DMXL2: variants seen among roughly 807,000 people sequenced by gnomAD.
DMXL2 encodes Dmx like 2.
DMXL2 carries 103 observed loss-of-function variants against 331.1 expected under a neutral mutation model. The observed-to-expected ratio is 0.31, with a 90% CI of 0.27 to 0.37. The LOEUF (loss-of-function observed/expected upper bound fraction) is 0.37, where lower values mean the gene tolerates loss of function less well. Among genes scored for constraint, DMXL2 ranks in the 10% least tolerant of loss-of-function variants. DMXL2 has a pLI of 1.00. For missense variants in DMXL2, 3,171 were observed against 3,642.9 expected (o/e 0.87, Z 3.33); for synonymous variants, 1,281 against 1,252.1 (o/e 1.02, Z -0.49).
At chr15:51,574,566 G>T (rs551767254) in intron 2 of DMXL2, among the ~76,000 whole-genome samples, 1 of 152,066 alleles carries the variant, frequency 6.6e-6, no homozygotes, top group South Asian at 2.1e-4. Context: ...TGACACTTAC[G>T]CAAAAAGTGT....
chr15:51,450,413 A>C, intron 42 of DMXL2, 67 bp from the exon 43 acceptor site: 1 of 1,450,600 alleles, frequency 6.9e-7, no homozygotes, highest in Non-Finnish European at 9.6e-7. Context: ...TGATGTCTAC[A>C]TCCACATTTA....
chr15:51,501,939 T>C (rs971825606), intron 17 of DMXL2, among the ~76,000 whole-genome samples: 1 of 143,624 alleles, frequency 7.0e-6, no homozygotes, highest in Non-Finnish European at 1.5e-5. Context: ...AAAAAAAATT[T>C]CATTATTTTG....
chr15:51,597,710 G>A (rs2052927034), intron 1 of DMXL2, among the ~76,000 whole-genome samples: 1 of 152,170 alleles, frequency 6.6e-6, no homozygotes, highest in South Asian at 2.1e-4. Flanking sequence ...TGGCATTAAT[G>A]CTAAATTGTT....
chr15:51,536,519 T>A lies in DMXL2; in HGVS notation c.1961A>T (p.Asn654Ile). ...FRYCGHRFHL[N>I]DLACHSVLPL... Reference sequence around the variant, plus strand: ...TAAAACTGAATGACATGCCAGGTCATTGAGGTGAAATCGATGACCGCAATA... The same window carrying A: ...TAAAACTGAATGACATGCCAGGTCAATGAGGTGAAATCGATGACCGCAATA... The change falls in exon 12 of 44, where the codon AAT (asparagine) becomes ATT (isoleucine). Residue 654 changes from asparagine to isoleucine, a missense_variant. By Grantham distance (149) the Asn-to-Ile change is moderately radical. Around this residue, in one of 7 missense-constraint regions of DMXL2, gnomAD observed 1,674 missense variants for 1,780.2 expected, o/e 0.94. Transcript: ENST00000560891. 1 of 1,613,968 alleles carries A rather than the reference T, an allele frequency of 6.2e-7. No homozygotes were observed. Among genetic ancestry groups the A allele is most frequent in the African/African-American group, 1.3e-5 (1 of 75,046 alleles).
At chr15:51,587,472 T>C in intron 1 of DMXL2, among the ~76,000 whole-genome samples, 1 of 152,224 alleles carries the variant, frequency 6.6e-6, no homozygotes, top group Non-Finnish European at 1.5e-5. Flanking sequence ...TCCAGCTTCA[T>C]CCATGTCCCT....
At chr15:51,540,905 T>C (rs1031683944) in intron 9 of DMXL2, among the ~76,000 whole-genome samples, 1 of 152,180 alleles carries the variant, frequency 6.6e-6, no homozygotes, top group African/African-American at 2.4e-5. Flanking sequence ...TCAAATGATG[T>C]GACAGAATGC....
Position 51,456,374 on chromosome 15 carries a change from A to T in DMXL2, c.8338-5T>A, listed in dbSNP as rs1475875853. The T allele has an allele frequency of 1.3e-5, 20 of 1,564,184 alleles. No homozygotes were observed. The highest frequency in any genetic ancestry group is 1.7e-5 in the Non-Finnish European group (20 of 1,154,504). ...ATGTAGATTCCTTTTCATAAGCTTT[A>T]AAAGAAAATTTTAAAAATTTTATTT... On this transcript the variant is annotated splice_polypyrimidine_tract_variant and splice_region_variant and intron_variant, in intron 37 of 43. Transcript: ENST00000560891.
rs778038345 is a variant in DMXL2 at position 51,536,576 on chromosome 15, G to C, written c.1904C>G (p.Thr635Ser). Reference sequence around the variant, plus strand: ...TTTGTGAGATACAGTTAGAACAGTGGTAAAGGCAGACTTATCAGCAAAAGT... The same window carrying C: ...TTTGTGAGATACAGTTAGAACAGTGCTAAAGGCAGACTTATCAGCAAAAGT... Reference protein sequence around the residue: ...AVTFADKSAFTTVLTVSHKFR... With the variant: ...AVTFADKSAFSTVLTVSHKFR... The change falls in exon 12 of 44, where the codon ACC (threonine) becomes AGC (serine). Residue 635 changes from threonine (T) to serine (S), a missense_variant. Physicochemically the swap from Thr to Ser is moderately conservative, Grantham distance 58 (BLOSUM62 1). Coordinates refer to ENST00000560891, the MANE Select transcript of DMXL2 (RefSeq NM_001378457.1). The C allele has an allele frequency of 6.2e-7, 1 of 1,613,848 alleles. No individual in the cohort carries two copies. Among genetic ancestry groups the C allele is most frequent in the Non-Finnish European group, 8.5e-7 (1 of 1,179,966 alleles).
At chr15:51,619,758 G>A (rs1328475343) in intron 1 of DMXL2, among the ~76,000 whole-genome samples, 1 of 152,184 alleles carries the variant, frequency 6.6e-6, no homozygotes, top group Non-Finnish European at 1.5e-5. Flanking sequence ...TAAGAATCAT[G>A]AGTTAGTTGC....
chr15:51,489,818 C>T (rs2042665799), intron 20 of DMXL2, among the ~76,000 whole-genome samples: 1 of 152,042 alleles, frequency 6.6e-6, no homozygotes, highest in Admixed American at 6.6e-5. Context: ...TTGTATTCAG[C>T]TGATTTATAA....
chr15:51,450,780 T>G (rs747285796), intron 42 of DMXL2: 2 of 166,872 alleles, frequency 1.2e-5, no homozygotes, highest in Non-Finnish European at 2.6e-5. Flanking sequence ...GTTAAGAAGT[T>G]CATTATCCTT....
chr15:51,608,461 T>C (rs752686408), intron 1 of DMXL2, among the ~76,000 whole-genome samples: 6 of 152,164 alleles, frequency 3.9e-5, no homozygotes, highest in African/African-American at 9.7e-5. Context: ...ATGTATGTAG[T>C]TGGAGGCCAT....
intron 26 of DMXL2, among the ~76,000 whole-genome samples, chr15:51,477,832 G>A (rs767206811): frequency 5.3e-5 from 8 of 151,942 alleles, no homozygotes; most frequent in Non-Finnish European, 1.0e-4. Flanking sequence ...ATATGTAAAT[G>A]GGTAGGTAAA....
At chr15:51,468,892 C>T (rs1482661484) in intron 29 of DMXL2, among the ~76,000 whole-genome samples, 3 of 151,862 alleles carry the variant, frequency 2.0e-5, no homozygotes, top group Non-Finnish European at 4.4e-5. Flanking sequence ...CAGCAAAATC[C>T]ATTGAAAAAT....
intron 1 of DMXL2, among the ~76,000 whole-genome samples, chr15:51,590,165 T>C (rs1470497539): frequency 6.6e-6 from 1 of 152,026 alleles, no homozygotes; most frequent in Non-Finnish European, 1.5e-5. Context: ...AGCCATAGGC[T>C]AGCCAGCAAG....
chr15:51,533,892 G>C (rs1478698821), intron 13 of DMXL2, among the ~76,000 whole-genome samples: 1 of 152,114 alleles, frequency 6.6e-6, no homozygotes. Context: ...TCTTCAAACA[G>C]GCTGGTGACA....
intron 20 of DMXL2, among the ~76,000 whole-genome samples, chr15:51,490,881 T>C (rs1211227389): frequency 1.3e-5 from 2 of 152,334 alleles, no homozygotes; most frequent in East Asian, 1.9e-4. Context: ...CAAAGAACGT[T>C]TGCTACTTAT....
At position 51,537,744 on chromosome 15, in the gene DMXL2, C is replaced by G; in HGVS notation, c.1361G>C (p.Arg454Thr). The G allele has an allele frequency of 6.2e-7, 1 of 1,613,152 alleles. No individual in the cohort carries two copies. Among genetic ancestry groups the G allele is most frequent in the Non-Finnish European group, 8.5e-7 (1 of 1,179,474 alleles). Residue 454 changes from arginine to threonine, a missense_variant, in exon 11 of 44, where the codon AGA becomes ACA. Physicochemically the swap from Arg to Thr is moderately conservative, Grantham distance 71. Transcript: ENST00000560891. ...MKLDHDLSLD[R>T]ESEAGTGSSE... ...TGATCCTGTACCTGCCTCAGATTCTCTATCCAGGGATAAATCTGAACCAGA... is the reference window on the plus strand; with the variant it reads ...TGATCCTGTACCTGCCTCAGATTCTGTATCCAGGGATAAATCTGAACCAGA...
rs1212576398 is a variant in DMXL2, at chr15:51,476,634, T to C, written c.6919A>G (p.Ile2307Val). Residue 2307 changes from isoleucine to valine, a missense_variant, in exon 27 of 44, where the codon ATT (isoleucine) becomes GTT (valine). Ile to Val is a conservative substitution (Grantham distance 29). Coordinates refer to ENST00000560891, the MANE Select transcript of DMXL2 (RefSeq NM_001378457.1). ...SDRRRLRTES[I>V]EEHATPNSSP... ...GAATTTGGTGTTGCGTGTTCTTCAATGCTTTCTGTCCTTAGTCTTCTACGA... is the reference window on the plus strand; with the variant it reads ...GAATTTGGTGTTGCGTGTTCTTCAACGCTTTCTGTCCTTAGTCTTCTACGA... 1 of 1,612,134 alleles carries C rather than the reference T, an allele frequency of 6.2e-7. No homozygotes were observed. Among genetic ancestry groups the C allele is most frequent in the Non-Finnish European group, 8.5e-7 (1 of 1,179,286 alleles).
Sources: gnomAD v4.1 joint callset for allele counts (sites outside exome capture counted in the v4.1 genomes callset) on GRCh38, gnomAD v4.1.1 for gene constraint, gnomAD v4.1.1 regional missense constraint, MANE v1.5 for transcripts, NCBI Gene and HGNC (gene_info 2026-07-23, HGNC 2026-07-21) for gene names.